The following DELE1 variants were observed in gnomAD, a reference collection of about 807,000 sequenced individuals.
The protein encoded by DELE1 is death ligand signal enhancer.
In DELE1, 54 loss-of-function variants were observed where a neutral mutation model predicts 59.3. That is an observed-to-expected ratio of 0.91 (90% confidence interval 0.73 to 1.14). The LOEUF (loss-of-function observed/expected upper bound fraction) is 1.14, where lower values mean the gene tolerates loss of function less well. Ranked by LOEUF, DELE1 falls within the 50% of genes most tolerant of loss-of-function variation. DELE1 has a pLI of 0.00. For missense variants in DELE1, 636 were observed against 643.9 expected (o/e 0.99, Z 0.13); for synonymous variants, 264 against 259.1 (o/e 1.02, Z -0.18).
At chr5:141,926,441 A>G (rs1198975523) in intron 3 of DELE1, among the ~76,000 whole-genome samples, 1 of 152,168 alleles carries the variant, frequency 6.6e-6, no homozygotes, top group East Asian at 1.9e-4. Context: ...GTTGAACCTG[A>G]TCTATAAGGT....
chr5:141,931,685 G>T lies in DELE1; in HGVS notation c.754+1411G>T, dbSNP rs553296994. 1.6e-3 allele frequency among the ~76,000 whole-genome samples: 245 copies of T among 152,258 alleles called. 1 individual carries two copies. The highest frequency in any genetic ancestry group is 5.8e-3 in the African/African-American group (240 of 41,542). ...AAAGAGGAGGATGGTGGGATCCTTT[G>T]CACTCTTGAGTCTTCTACCCAAGGG... On this transcript the variant is annotated intron_variant, in intron 7 of 11. Transcript: ENST00000432126.
Position 141,938,634 on chromosome 5 carries a change from A to G in DELE1, c.1423A>G (p.Thr475Ala), listed in dbSNP as rs368373086. The G allele has an allele frequency of 2.8e-5, 46 of 1,614,170 alleles. No homozygotes were observed. Among genetic ancestry groups the G allele is most frequent in the African/African-American group, 2.5e-4 (19 of 75,038 alleles). The change falls in exon 12 of 12, where the codon ACA becomes GCA. Residue 475 changes from threonine (T) to alanine (A), a missense_variant. By Grantham distance (58) the Thr-to-Ala change is moderately conservative. Transcript: ENST00000432126. ...GTSRLPHASS[T>A]GNLGLLCRSG... ...CTCACGCCTACCACATGCCTCGAGCACAGGCAACCTTGGCCTCCTCTGCAG... is the reference window on the plus strand; with the variant it reads ...CTCACGCCTACCACATGCCTCGAGCGCAGGCAACCTTGGCCTCCTCTGCAG...
chr5:141,924,767 GT>G, intron 2 of DELE1, 72 bp downstream of exon 2: 3 of 967,670 alleles, frequency 3.1e-6, no homozygotes, highest in Non-Finnish European at 4.7e-6. Context: ...TTTTTTTGTT[GT>G]TTTTTGAGAT....
At chr5:141,930,917 A>G (rs1751856468) in intron 7 of DELE1, among the ~76,000 whole-genome samples, 1 of 152,204 alleles carries the variant, frequency 6.6e-6, no homozygotes, top group Admixed American at 6.5e-5. Context: ...GGATTCATTC[A>G]CAACAAATTT....
rs1302630553 is a variant in DELE1 at position 141,939,540 on chromosome 5, T to G, written c.*781T>G. 7.1e-6 allele frequency: 7 copies of G among 985,730 alleles called. No individual in the cohort carries two copies. In the African/African-American group the frequency reaches 1.2e-4, roughly 17 times the overall value. 61.1% of individuals were successfully genotyped at this position (985,730 alleles called of 1,614,324 possible). A position where few individuals can be genotyped will look rare whatever the true frequency, so the allele number is the denominator to read the frequency against. On this transcript the variant is annotated 3_prime_UTR_variant, in exon 12 of 12. Transcript: ENST00000432126. Reference sequence around the variant, plus strand: ...TCTTGCCCAAATGCCTGGATGTGTCTGCTTGACTTTCAGAACTTCTCACCT... The same window carrying G: ...TCTTGCCCAAATGCCTGGATGTGTCGGCTTGACTTTCAGAACTTCTCACCT...
rs934948447 is a variant in DELE1, at chr5:141,941,254, A to G, written c.*2495A>G. 2.0e-6 allele frequency: 2 copies of G among 985,362 alleles called. No individual in the cohort carries two copies. The highest frequency in any genetic ancestry group is 3.5e-5 in the African/African-American group (2 of 57,244). 61.0% of individuals were successfully genotyped at this position (985,362 alleles called of 1,614,324 possible). On this transcript the variant is annotated 3_prime_UTR_variant, in exon 12 of 12. Transcript: ENST00000432126. Reference sequence around the variant, plus strand: ...TGAAGGCCAGATGCAGCCCTCCCTGAGTGGCTCTCCCTCCCACTCAGTCAC... The same window carrying G: ...TGAAGGCCAGATGCAGCCCTCCCTGGGTGGCTCTCCCTCCCACTCAGTCAC...
intron 2 of DELE1, among the ~76,000 whole-genome samples, chr5:141,924,988 C>T (rs964342741): frequency 5.3e-5 from 8 of 151,420 alleles, no homozygotes; most frequent in Admixed American, 5.3e-4. Context: ...AGTGCAGTGG[C>T]GCGATCTTGG....
Position 141,938,917 on chromosome 5 carries a change from T to C in DELE1, c.*158T>C. ...ACGTACATGGCTGGTAAGTGACTGATCTTTCCCCCCGCTTGGTAGCCTCAC... is the reference window on the plus strand; with the variant it reads ...ACGTACATGGCTGGTAAGTGACTGACCTTTCCCCCCGCTTGGTAGCCTCAC... On this transcript the variant is annotated 3_prime_UTR_variant, in exon 12 of 12. Coordinates refer to ENST00000432126, the MANE Select transcript of DELE1 (RefSeq NM_014773.5). The C allele has an allele frequency of 6.9e-7, 1 of 1,440,378 alleles. No homozygotes were observed. Among genetic ancestry groups the C allele is most frequent in the Non-Finnish European group, 9.1e-7 (1 of 1,101,678 alleles). 89.2% of individuals were successfully genotyped at this position (1,440,378 alleles called of 1,614,324 possible).
At chr5:141,929,843 G>C in intron 5 of DELE1, 103 bp downstream of exon 5, 2 of 1,522,796 alleles carry the variant, frequency 1.3e-6, no homozygotes, top group Non-Finnish European at 1.8e-6. Flanking sequence ...ACTCCTGTGA[G>C]GTCCCATGCC....
At chr5:141,927,419 C>G (rs564118568) in intron 3 of DELE1, among the ~76,000 whole-genome samples, 1 of 152,316 alleles carries the variant, frequency 6.6e-6, no homozygotes, top group Admixed American at 6.5e-5. Flanking sequence ...GTCTTCAACT[C>G]CTGGCCTCAA....
Position 141,929,982 on chromosome 5 carries a change from C to T in DELE1, c.572-7C>T. ...GCCCTGGCCGGGTGTCGGCCTTTCC[C>T]TTGCAGGTCCCGGTGATTTTGGCTT... On this transcript the variant is annotated splice_region_variant and splice_polypyrimidine_tract_variant and intron_variant, in intron 5 of 11. Transcript: ENST00000432126. 2.5e-6 allele frequency: 4 copies of T among 1,613,826 alleles called. No homozygotes were observed. The highest frequency in any genetic ancestry group is 3.4e-6 in the Non-Finnish European group (4 of 1,179,856).
intron 5 of DELE1, 121 bp from the exon 6 acceptor site, chr5:141,929,868 A>G: frequency 6.6e-7 from 1 of 1,504,524 alleles, no homozygotes; most frequent in East Asian, 2.3e-5. Flanking sequence ...GAGGTGATTC[A>G]GGGTTATTTC....
rs1752439273 is a variant in DELE1 at position 141,937,319 on chromosome 5, A to G, written c.1271A>G (p.Gln424Arg). 1 of 1,614,206 alleles carries G rather than the reference A, an allele frequency of 6.2e-7. No individual in the cohort carries two copies. Among genetic ancestry groups the G allele is most frequent in the Non-Finnish European group, 8.5e-7 (1 of 1,180,048 alleles). The change falls in exon 11 of 12, where the codon CAG becomes CGG. Residue 424 changes from glutamine (Q) to arginine (R), a missense_variant. Physicochemically the swap from Gln to Arg is conservative, Grantham distance 43. Transcript: ENST00000432126. ...QSAALGNEAA[Q>R]ERLRALFSMG... ...GCCGCTCTGGGAAATGAGGCCGCCC[A>G]GGAGAGGCTGCGAGCCCTCTTTTCC...
intron 8 of DELE1, chr5:141,933,742 C>T (rs1249071218): frequency 6.2e-6 from 1 of 161,990 alleles, no homozygotes; most frequent in Non-Finnish European, 1.3e-5. Flanking sequence ...GGCAAAAAAA[C>T]CCAAAAAAAC....
chr5:141,933,305 C>T lies in DELE1; in HGVS notation c.801C>T (p.Tyr267=), dbSNP rs2126886055. The T allele has an allele frequency of 6.4e-7, 1 of 1,570,528 alleles. No homozygotes were observed. Among genetic ancestry groups the T allele is most frequent in the Non-Finnish European group, 8.7e-7 (1 of 1,148,678 alleles). The change falls in exon 8 of 12, where the codon TAC becomes TAT. Residue 267 remains tyrosine (Y), a synonymous_variant. Coordinates refer to ENST00000432126, the MANE Select transcript of DELE1 (RefSeq NM_014773.5). The part of the protein sequence containing the change: ...KSGDHTAAFS[Y]FQKAAARGYS... ...GCGACCACACGGCAGCCTTTTCTTA[C>T]TTCCAGAAAGCTGCAGCCCGCGGCT...
At chr5:141,932,811 A>G (rs904354310) in intron 7 of DELE1, among the ~76,000 whole-genome samples, 4 of 152,082 alleles carry the variant, frequency 2.6e-5, no homozygotes, top group East Asian at 1.9e-4. Context: ...AATATATGCA[A>G]AGGCCAGGCA....
At chr5:141,935,031 T>G (rs184288621) in intron 10 of DELE1, 4 of 166,280 alleles carry the variant, frequency 2.4e-5, no homozygotes, top group Admixed American at 2.4e-4. Flanking sequence ...AAAATCTAAC[T>G]GAGATAACTA....
Position 141,939,039 on chromosome 5 carries a change from C to A in DELE1, c.*280C>A. On this transcript the variant is annotated 3_prime_UTR_variant, in exon 12 of 12. Coordinates refer to ENST00000432126, the MANE Select transcript of DELE1 (RefSeq NM_014773.5). Reference sequence around the variant, plus strand: ...AAACCCTACTGAAGGGTCCAGAGACCCTGGTGCTCACCTTAGCCTTTGTCT... The same window carrying A: ...AAACCCTACTGAAGGGTCCAGAGACACTGGTGCTCACCTTAGCCTTTGTCT... 1 of 1,226,856 alleles carries A rather than the reference C, an allele frequency of 8.2e-7. No homozygotes were observed. The highest frequency in any genetic ancestry group is 4.1e-5 in the Admixed American group (1 of 24,250). 76.0% of individuals were successfully genotyped at this position (1,226,856 alleles called of 1,614,324 possible).
chr5:141,934,497 C>G lies in DELE1; in HGVS notation c.1060C>G (p.Gln354Glu), dbSNP rs200644207. 1 of 1,614,222 alleles carries G rather than the reference C, an allele frequency of 6.2e-7. No individual in the cohort carries two copies. The highest frequency in any genetic ancestry group is 1.7e-5 in the Admixed American group (1 of 60,034). Residue 354 changes from glutamine (Q) to glutamate (E), a missense_variant, in exon 10 of 12, where the codon CAA (glutamine) becomes GAA (glutamate). By Grantham distance (29) the Gln-to-Glu change is conservative. Coordinates refer to ENST00000432126, the MANE Select transcript of DELE1 (RefSeq NM_014773.5). ...TTTCCTTCCTCCTTGACCACAGGCC[C>G]AAGCTTTCCTCGGGGTGCTTTTCAC... is the stretch of plus-strand genomic sequence containing the variant. ...QAADSGLREA[Q>E]AFLGVLFTKE...
Sources: allele counts gnomAD v4.1 joint callset (sites outside exome capture counted in the v4.1 genomes callset), GRCh38; gene constraint gnomAD v4.1.1; transcripts MANE v1.5; gene names NCBI Gene and HGNC (gene_info 2026-07-23, HGNC 2026-07-21).